BMPER: variants seen among roughly 807,000 people sequenced by gnomAD.
BMPER encodes the protein BMP-binding endothelial regulator protein.
Under a neutral mutation model 87.3 loss-of-function variants are expected in BMPER, and 45 were observed. The ratio of observed to expected loss-of-function variants is 0.52; its 90% CI spans 0.41 to 0.66. The LOEUF (loss-of-function observed/expected upper bound fraction) is 0.66. Ranked by LOEUF, BMPER falls within the 30% of genes least tolerant of loss-of-function variation. The pLI is 0.00. For synonymous variants in BMPER, 326 were observed against 316.2 expected (o/e 1.03, Z -0.33); for missense variants, 784 against 867.5 (o/e 0.90, Z 1.21).
Position 34,062,156 on chromosome 7 carries a change from A to T in BMPER, c.1078+109A>T. 2.9e-6 allele frequency: 3 copies of T among 1,035,926 alleles called. No individual in the cohort carries two copies. In the East Asian group the frequency reaches 7.7e-5, roughly 27 times the overall value. The allele number at this position is 1,035,926 out of a possible 1,614,324, so 64.2% of individuals were successfully genotyped here. A position where few individuals can be genotyped will look rare whatever the true frequency, so the allele number is the denominator to read the frequency against. ...CCACACATTTTATTTTTGTAGGTAT[A>T]TATAGGATGGGATCATCTCACCTCC... On this transcript the variant is annotated intron_variant, in intron 11 of 14. Transcript: ENST00000649409.
chr7:34,145,230 T>C (rs1790985852), intron 14 of BMPER, among the ~76,000 whole-genome samples: 1 of 152,148 alleles, frequency 6.6e-6, no homozygotes, highest in African/African-American at 2.4e-5. Flanking sequence ...TGATGGATTT[T>C]TGGGGGTTGC....
In BMPER at chr7:34,040,457, G is replaced by A. The variant is rs546255711; in HGVS notation, c.577-5849G>A. Among the ~76,000 whole-genome samples the A allele has an allele frequency of 3.3e-5, 5 of 152,262 alleles. No individual in the cohort carries two copies. The South Asian group carries it at 1.0e-3, about 32-fold the overall frequency. On this transcript the variant is annotated intron_variant, in intron 6 of 14. Transcript: ENST00000649409. The stretch of plus-strand genomic sequence containing the variant: ...ATAGCTTAGTGACGACTGAGACATA[G>A]TTGCAGCTTTAATAAAATACAGTTG...
chr7:34,130,683 T>C (rs1236720703), intron 13 of BMPER, among the ~76,000 whole-genome samples: 4 of 152,138 alleles, frequency 2.6e-5, no homozygotes, highest in African/African-American at 9.7e-5. Flanking sequence ...ATCGCTCCCA[T>C]GGGGGTGTAG....
chr7:34,065,330 G>A (rs900987083), intron 11 of BMPER, among the ~76,000 whole-genome samples: 2 of 150,796 alleles, frequency 1.3e-5, no homozygotes, highest in Non-Finnish European at 2.9e-5. Flanking sequence ...TCATCCTGTC[G>A]TGGGGCTGTC....
intron 13 of BMPER, among the ~76,000 whole-genome samples, chr7:34,129,304 C>T (rs891831183): frequency 6.6e-6 from 1 of 151,904 alleles, no homozygotes; most frequent in African/African-American, 2.4e-5. Context: ...AGTTTGAGAC[C>T]ATCCTGGCCA....
At chr7:33,935,518 T>A (rs1452026956) in intron 2 of BMPER, among the ~76,000 whole-genome samples, 2 of 151,908 alleles carry the variant, frequency 1.3e-5, no homozygotes, top group African/African-American at 4.8e-5. Flanking sequence ...CTCACAGGAT[T>A]TTAAGAGTAA....
intron 6 of BMPER, among the ~76,000 whole-genome samples, chr7:33,991,064 G>T (rs911353572): frequency 2.0e-5 from 3 of 146,468 alleles, no homozygotes; most frequent in African/African-American, 7.6e-5. Flanking sequence ...CAAGGATATT[G>T]GTCTAAAATT....
At chr7:34,011,942 A>G (rs1296931878) in intron 6 of BMPER, among the ~76,000 whole-genome samples, 1 of 151,962 alleles carries the variant, frequency 6.6e-6, no homozygotes, top group Non-Finnish European at 1.5e-5. Context: ...AAAAATCCCA[A>G]GAATGCATCC....
At chr7:33,973,695 C>A (rs1785606890) in intron 5 of BMPER, among the ~76,000 whole-genome samples, 1 of 152,216 alleles carries the variant, frequency 6.6e-6, no homozygotes, top group Admixed American at 6.5e-5. Context: ...TTTCACAAGA[C>A]CCTGCTTTGG....
rs910493653 is a variant in BMPER, at chr7:34,156,296, A to C, written c.*3023A>C. 2.0e-5 allele frequency among the ~76,000 whole-genome samples: 3 copies of C among 152,226 alleles called. No individual in the cohort carries two copies. Among genetic ancestry groups the C allele is most frequent in the African/African-American group, 7.2e-5 (3 of 41,452 alleles). On this transcript the variant is annotated 3_prime_UTR_variant, in exon 15 of 15. Transcript: ENST00000649409. ...TTATGAGATATTTCAGACACACAAA[A>C]AGGCATAGAGAAAAATGTTGCAAAC...
chr7:34,069,566 A>C (rs1169480762), intron 11 of BMPER, among the ~76,000 whole-genome samples: 1 of 152,184 alleles, frequency 6.6e-6, no homozygotes, highest in African/African-American at 2.4e-5. Context: ...GTGGTCAGCT[A>C]ATACACTGGC....
chr7:34,040,407 T>C (rs942220810), intron 6 of BMPER, among the ~76,000 whole-genome samples: 5 of 152,114 alleles, frequency 3.3e-5, no homozygotes, highest in African/African-American at 1.2e-4. Flanking sequence ...CGAATTAGGT[T>C]GTGTGGGTTT....
chr7:34,152,438 C>A (rs988204439), intron 14 of BMPER, among the ~76,000 whole-genome samples: 1 of 152,118 alleles, frequency 6.6e-6, no homozygotes, highest in Non-Finnish European at 1.5e-5. Context: ...TTGTGAAAAT[C>A]ACTTTGCCTC....
chr7:34,086,745 G>A (rs940430795), intron 13 of BMPER, among the ~76,000 whole-genome samples: 1 of 152,222 alleles, frequency 6.6e-6, no homozygotes, highest in South Asian at 2.1e-4. Context: ...CCCCTTCCAC[G>A]CAAAGCAACT....
intron 13 of BMPER, among the ~76,000 whole-genome samples, chr7:34,118,396 T>C (rs1790171514): frequency 6.6e-6 from 1 of 152,164 alleles, no homozygotes; most frequent in African/African-American, 2.4e-5. Context: ...TACTGTTCAT[T>C]TTTGCATCTT....
Position 34,153,259 on chromosome 7 carries a change from T to C in BMPER, c.2044T>C (p.Cys682Arg). The change falls in exon 15 of 15, where the codon TGT becomes CGT. Residue 682 changes from cysteine (C) to arginine (R), a missense_variant. Physicochemically the swap from Cys to Arg is radical, Grantham distance 180. Coordinates refer to ENST00000649409, the MANE Select transcript of BMPER (RefSeq NM_001365308.1). ...HKGRCIKPVL[C>R]PQR ...GGGAAGGTGCATCAAGCCAGTCCTT[T>C]GTCCCCAGCGGTGACCTTTGTTTCG... 1.9e-6 allele frequency: 3 copies of C among 1,614,088 alleles called. No homozygotes were observed. The highest frequency in any genetic ancestry group is 1.7e-6 in the Non-Finnish European group (2 of 1,179,972).
chr7:33,912,485 A>G (rs1157292338), intron 2 of BMPER, among the ~76,000 whole-genome samples: 1 of 152,212 alleles, frequency 6.6e-6, no homozygotes, highest in Non-Finnish European at 1.5e-5. Context: ...TTTTAAGTGT[A>G]GGAAATAATG....
chr7:34,003,772 A>G (rs150437398), intron 6 of BMPER, among the ~76,000 whole-genome samples: 1 of 152,154 alleles, frequency 6.6e-6, no homozygotes, highest in Non-Finnish European at 1.5e-5. Flanking sequence ...GGTTTTGATG[A>G]TGAATCAGCT....
intron 7 of BMPER, among the ~76,000 whole-genome samples, chr7:34,050,718 T>A (rs1431454532): frequency 6.6e-6 from 1 of 152,210 alleles, no homozygotes; most frequent in African/African-American, 2.4e-5. Flanking sequence ...GATGTTTTAA[T>A]GTGCTTCAAA....
Sources: gnomAD v4.1 joint callset for allele counts (sites outside exome capture counted in the v4.1 genomes callset) on GRCh38, gnomAD v4.1.1 for gene constraint, MANE v1.5 for transcripts, NCBI Gene and HGNC (gene_info 2026-07-23, HGNC 2026-07-21) for gene names.